Variants in CENPW observed in about 807,000 individuals in gnomAD.
The protein encoded by CENPW is centromere protein W, also known as cancer-up-regulated gene 2 protein.
CENPW carries 3 observed loss-of-function variants against 11.1 expected under a neutral mutation model. That is an observed-to-expected ratio of 0.27 (90% CI 0.12 to 0.70). The LOEUF (loss-of-function observed/expected upper bound fraction) is 0.70, where lower values mean the gene tolerates loss of function less well. Ranked by LOEUF, CENPW falls within the 30% of genes least tolerant of loss-of-function variation. The pLI is 0.77. For missense variants in CENPW, 100 were observed against 105.6 expected (o/e 0.95, Z 0.23); for synonymous variants, 38 against 42.0 (o/e 0.91, Z 0.37).
rs202232950 is a variant in CENPW at position 126,348,521 on chromosome 6, T to G, written c.*29T>G. 7.3e-7 allele frequency: 1 copy of G among 1,374,926 alleles called. No homozygotes were observed. Among genetic ancestry groups the G allele is most frequent in the South Asian group, 1.2e-5 (1 of 84,626 alleles). 85.2% of individuals were successfully genotyped at this position (1,374,926 alleles called of 1,614,324 possible). A position where few individuals can be genotyped will look rare whatever the true frequency, so the allele number is the denominator to read the frequency against. ...TCAAAGAACATATTCTTGAAAGTTA[T>G]GATGCATTCTTTTGGGTGGTAACAG... On this transcript the variant is annotated 3_prime_UTR_variant, in exon 3 of 3. Transcript: ENST00000368328.
the CENPW span, among the ~76,000 whole-genome samples, chr6:126,431,428 G>A: frequency 6.6e-6 from 1 of 152,120 alleles, no homozygotes; most frequent in African/African-American, 2.4e-5. Context: ...ATGAGATTTG[G>A]GGATTGTTTC....
the CENPW span, among the ~76,000 whole-genome samples, chr6:126,361,187 TTTTGGTG>T: frequency 2.0e-5 from 3 of 152,228 alleles, no homozygotes; most frequent in African/African-American, 4.8e-5. Context: ...TATTAGATAA[TTTTGGTG>T]TTATAGTTTC....
At chr6:126,352,544 C>CT (rs1402771851), downstream of CENPW, among the ~76,000 whole-genome samples, 1 of 151,928 alleles carries the variant, frequency 6.6e-6, no homozygotes, top group Non-Finnish European at 1.5e-5. Context: ...CTTGTATTTC[C>CT]TTTTTGAAGG....
chr6:126,403,126 T>C, the CENPW span, among the ~76,000 whole-genome samples: 1 of 152,138 alleles, frequency 6.6e-6, no homozygotes, highest in Non-Finnish European at 1.5e-5. Context: ...AAATACGTTT[T>C]GACTGCTACA....
chr6:126,476,007 A>C, the CENPW span, among the ~76,000 whole-genome samples: 3 of 151,880 alleles, frequency 2.0e-5, no homozygotes, highest in African/African-American at 7.2e-5. Context: ...AGCTAGTAGT[A>C]GTAGTAGAAC....
At chr6:126,421,489 ATTTAC>A in the CENPW span, among the ~76,000 whole-genome samples, 3 of 151,254 alleles carry the variant, frequency 2.0e-5, no homozygotes, top group African/African-American at 7.3e-5. Context: ...CTGTCATTTT[ATTTAC>A]TTATTCCCTC....
At chr6:126,451,639 CCTT>C in the CENPW span, among the ~76,000 whole-genome samples, 2 of 151,048 alleles carry the variant, frequency 1.3e-5, no homozygotes, top group African/African-American at 4.8e-5. Flanking sequence ...AGAGAGGAAA[CCTT>C]CTGATCAGTG....
the CENPW span, among the ~76,000 whole-genome samples, chr6:126,422,075 G>A: frequency 8.4e-3 from 1,283 of 152,220 alleles, 15 homozygotes; most frequent in African/African-American, 0.03. Flanking sequence ...CTGAGAACCA[G>A]TGTTAGCTTT....
At chr6:126,344,041 T>G (rs960649221) in intron 1 of CENPW, among the ~76,000 whole-genome samples, 14 of 152,272 alleles carry the variant, frequency 9.2e-5, no homozygotes, top group Non-Finnish European at 1.5e-4. Context: ...AAAATTTTTT[T>G]GCCTTATCTG....
the CENPW span, among the ~76,000 whole-genome samples, chr6:126,474,936 A>G: frequency 1.3e-5 from 2 of 152,150 alleles, no homozygotes; most frequent in Non-Finnish European, 2.9e-5. Context: ...GCCTGCTATG[A>G]AAAGAAAGGT....
chr6:126,363,437 G>A, the CENPW span, among the ~76,000 whole-genome samples: 1 of 152,156 alleles, frequency 6.6e-6, no homozygotes, highest in Non-Finnish European at 1.5e-5. Context: ...CTAAATAGTA[G>A]CTTCTTTCTT....
chr6:126,392,931 A>G, the CENPW span, among the ~76,000 whole-genome samples: 2 of 151,568 alleles, frequency 1.3e-5, no homozygotes, highest in African/African-American at 4.8e-5. Flanking sequence ...CTGGGCTTTT[A>G]TTTGCTGGGA....
the CENPW span, among the ~76,000 whole-genome samples, chr6:126,439,609 T>C: frequency 1.3e-5 from 2 of 151,688 alleles, no homozygotes; most frequent in Admixed American, 1.3e-4. Flanking sequence ...TCTGAACAAC[T>C]GACCACTAAT....
At chr6:126,448,346 CAG>C in the CENPW span, among the ~76,000 whole-genome samples, 3 of 151,196 alleles carry the variant, frequency 2.0e-5, no homozygotes, top group African/African-American at 7.2e-5. Flanking sequence ...CCTACTGAAA[CAG>C]AACCTGTATT....
At chr6:126,418,635 T>TA in the CENPW span, among the ~76,000 whole-genome samples, 2 of 152,126 alleles carry the variant, frequency 1.3e-5, no homozygotes, top group African/African-American at 4.8e-5. Context: ...TGTAAACTTT[T>TA]AAAAAATCCA....
At chr6:126,384,437 C>T in the CENPW span, among the ~76,000 whole-genome samples, 74 of 152,194 alleles carry the variant, frequency 4.9e-4, no homozygotes, top group African/African-American at 1.6e-3. Flanking sequence ...ACATATAGAC[C>T]AGTGGAACAG....
chr6:126,419,691 TG>T, the CENPW span, among the ~76,000 whole-genome samples: 2 of 152,162 alleles, frequency 1.3e-5, no homozygotes, highest in Non-Finnish European at 1.5e-5. Flanking sequence ...AGCTGGGCTG[TG>T]CTTCCTCTGC....
chr6:126,415,551 A>T, the CENPW span, among the ~76,000 whole-genome samples: 1 of 152,288 alleles, frequency 6.6e-6, no homozygotes, highest in East Asian at 1.9e-4. Flanking sequence ...GAATTCAAAC[A>T]TAAGTGATAT....
At chr6:126,455,147 A>G in the CENPW span, among the ~76,000 whole-genome samples, 6 of 151,456 alleles carry the variant, frequency 4.0e-5, no homozygotes, top group Admixed American at 1.3e-4. Flanking sequence ...ATGTATAAAC[A>G]AAAGCTGGTA....
Sources: allele counts gnomAD v4.1 joint callset (sites outside exome capture counted in the v4.1 genomes callset), GRCh38; gene constraint gnomAD v4.1.1; transcripts MANE v1.5; gene names NCBI Gene and HGNC (gene_info 2026-07-23, HGNC 2026-07-21).